Variants in SDK1 observed in about 807,000 individuals in gnomAD.
SDK1 encodes the protein sidekick cell adhesion molecule 1.
In SDK1, 157 loss-of-function variants were observed where a neutral mutation model predicts 245.5. That is an observed-to-expected ratio of 0.64 (90% CI 0.56 to 0.73). The LOEUF (loss-of-function observed/expected upper bound fraction) is 0.73, where lower values mean the gene tolerates loss of function less well. Among genes scored for constraint, SDK1 ranks in the 30% least tolerant of loss-of-function variants. The pLI, the probability that SDK1 is intolerant of heterozygous loss-of-function variation, is 0.00. For synonymous variants in SDK1, 1,647 were observed against 1,278.5 expected (o/e 1.29, Z -6.15); for missense variants, 3,583 against 3,002.3 (o/e 1.19, Z -4.52).
At chr7:3,477,859 T>C (rs1445847895) in intron 1 of SDK1, among the ~76,000 whole-genome samples, 4 of 152,182 alleles carry the variant, frequency 2.6e-5, no homozygotes, top group South Asian at 2.1e-4. Flanking sequence ...AGAAGTTGGA[T>C]GGAAATTTTA....
intron 1 of SDK1, among the ~76,000 whole-genome samples, chr7:3,601,887 A>G (rs1260609494): frequency 7.4e-6 from 1 of 135,602 alleles, no homozygotes; most frequent in African/African-American, 2.9e-5. Context: ...TCCATGTGTT[A>G]TCATTGTTCA....
chr7:3,785,802 A>T (rs1583411813), intron 4 of SDK1, among the ~76,000 whole-genome samples: 1 of 152,216 alleles, frequency 6.6e-6, no homozygotes, highest in Non-Finnish European at 1.5e-5. Context: ...CCCAAGCATG[A>T]CAGATGCAGA....
chr7:3,483,370 C>T (rs2128602818), intron 1 of SDK1, among the ~76,000 whole-genome samples: 1 of 152,100 alleles, frequency 6.6e-6, no homozygotes, highest in East Asian at 1.9e-4. Flanking sequence ...CTATTAAATG[C>T]TTAAATTGGC....
intron 1 of SDK1, among the ~76,000 whole-genome samples, chr7:3,476,398 C>G (rs1278383989): frequency 6.6e-6 from 1 of 152,170 alleles, no homozygotes; most frequent in Non-Finnish European, 1.5e-5. Flanking sequence ...AGTGGTAGTT[C>G]CAGTACTTCT....
chr7:3,870,433 G>A (rs540529452), intron 5 of SDK1, among the ~76,000 whole-genome samples: 16 of 152,200 alleles, frequency 1.1e-4, no homozygotes, highest in Middle Eastern at 3.4e-3. Context: ...AGGACTTAGC[G>A]GGTGTCATAA....
chr7:3,958,118 G>A, intron 7 of SDK1: 1 of 410,496 alleles, frequency 2.4e-6, no homozygotes, highest in Non-Finnish European at 4.9e-6. Flanking sequence ...CAATTATAAT[G>A]AAAGTAAACC....
At chr7:4,053,041 C>G (rs542736409) in intron 19 of SDK1, among the ~76,000 whole-genome samples, 1 of 143,028 alleles carries the variant, frequency 7.0e-6, no homozygotes, top group Admixed American at 7.2e-5. Flanking sequence ...GAGCCGTGAT[C>G]ATGCCACTGC....
At chr7:3,559,056 T>G (rs941028091) in intron 1 of SDK1, among the ~76,000 whole-genome samples, 2 of 152,118 alleles carry the variant, frequency 1.3e-5, no homozygotes, top group African/African-American at 4.8e-5. Flanking sequence ...TTTTGAAGGG[T>G]TAAGAATGAA....
chr7:4,165,209 A>G (rs559501318), intron 32 of SDK1, among the ~76,000 whole-genome samples: 4 of 152,088 alleles, frequency 2.6e-5, no homozygotes, highest in African/African-American at 4.8e-5. Flanking sequence ...AAATACAAAA[A>G]TTAGCCGGGC....
At chr7:4,196,424 G>GA (rs1783579870) in intron 35 of SDK1, among the ~76,000 whole-genome samples, 1 of 152,218 alleles carries the variant, frequency 6.6e-6, no homozygotes, top group Non-Finnish European at 1.5e-5. Flanking sequence ...CCTTCCCAGA[G>GA]AAACCTCTGA....
chr7:4,012,901 T>G (rs1022096760), intron 16 of SDK1, among the ~76,000 whole-genome samples: 1 of 152,126 alleles, frequency 6.6e-6, no homozygotes, highest in Non-Finnish European at 1.5e-5. Context: ...TTGATTCCAT[T>G]TAAGTTTTCA....
chr7:3,332,589 A>G (rs140158932), intron 1 of SDK1, among the ~76,000 whole-genome samples: 2 of 152,276 alleles, frequency 1.3e-5, no homozygotes, highest in Non-Finnish European at 2.9e-5. Context: ...ATAAATGTAA[A>G]TGGCCTGCCA....
At chr7:3,863,360 C>T (rs983321985) in intron 5 of SDK1, among the ~76,000 whole-genome samples, 1 of 152,158 alleles carries the variant, frequency 6.6e-6, no homozygotes, top group Admixed American at 6.5e-5. Flanking sequence ...GCCTTACTGC[C>T]CTTTTGAGAT....
chr7:4,121,037 A>G (rs1463622696), intron 25 of SDK1, among the ~76,000 whole-genome samples: 2 of 152,028 alleles, frequency 1.3e-5, no homozygotes, highest in East Asian at 1.9e-4. Context: ...ATAGTAGTCA[A>G]GAGAATGCAG....
At chr7:3,353,222 T>C (rs1780706706) in intron 1 of SDK1, among the ~76,000 whole-genome samples, 1 of 152,214 alleles carries the variant, frequency 6.6e-6, no homozygotes. Flanking sequence ...AAGTAGATTA[T>C]ATCCCTTTTT....
rs1173709919 is a variant in SDK1, at chr7:3,697,313, G to A, written c.713+55208G>A. On this transcript the variant is annotated intron_variant, in intron 4 of 44. Transcript: ENST00000404826. ...ATTACTCATCCCTTTCTTTCCCGCT[G>A]CAATTTACAGTGTGTCTTCAGGGTG... Among the ~76,000 whole-genome samples, 4 of 152,160 alleles carry A rather than the reference G, an allele frequency of 2.6e-5. No homozygotes were observed. The East Asian group carries it at 7.7e-4, about 29-fold the overall frequency.
intron 1 of SDK1, among the ~76,000 whole-genome samples, chr7:3,458,513 C>G (rs368400211): frequency 2.6e-5 from 4 of 152,094 alleles, no homozygotes; most frequent in South Asian, 4.2e-4. Flanking sequence ...GCCATCTACC[C>G]CCTTTTTTCT....
chr7:3,406,807 A>G (rs1056579084), intron 1 of SDK1, among the ~76,000 whole-genome samples: 2 of 152,210 alleles, frequency 1.3e-5, no homozygotes, highest in Non-Finnish European at 2.9e-5. Flanking sequence ...GTGCGTGTAT[A>G]CATCCATATA....
chr7:3,987,464 C>T, intron 14 of SDK1, 142 bp downstream of exon 14: 1 of 876,260 alleles, frequency 1.1e-6, no homozygotes. Flanking sequence ...CAAACACAGC[C>T]TGCCCTTTAG....
Sources: allele counts gnomAD v4.1 joint callset (sites outside exome capture counted in the v4.1 genomes callset), GRCh38; gene constraint gnomAD v4.1.1; transcripts MANE v1.5; gene names NCBI Gene and HGNC (gene_info 2026-07-23, HGNC 2026-07-21).